TUBB4A: variants seen among roughly 807,000 people sequenced by gnomAD.
TUBB4A encodes the protein tubulin beta 4A class IVa.
Under a neutral mutation model 35.1 loss-of-function variants are expected in TUBB4A, and 13 were observed. The observed-to-expected ratio is 0.37, with a 90% CI of 0.24 to 0.59. The LOEUF is 0.59. TUBB4A is among the 20% of genes least tolerant of loss of function. The probability of loss-of-function intolerance (pLI) is 0.71; values close to 1 mark genes in which losing one functional copy is unlikely to be tolerated. For missense variants in TUBB4A, 299 were observed against 647.2 expected (o/e 0.46, Z 5.84); for synonymous variants, 279 against 272.4 (o/e 1.02, Z -0.24).
At chr19:6,499,069 A>G (rs1914407377) in intron 3 of TUBB4A, among the ~76,000 whole-genome samples, 2 of 152,156 alleles carry the variant, frequency 1.3e-5, no homozygotes, top group Non-Finnish European at 2.9e-5. Context: ...TCATGCCTGT[A>G]ATCCCAGCAC....
intron 3 of TUBB4A, among the ~76,000 whole-genome samples, chr19:6,499,299 C>T (rs1914418324): frequency 6.7e-6 from 1 of 149,734 alleles, no homozygotes; most frequent in Admixed American, 6.6e-5. Flanking sequence ...GAGACTCCGT[C>T]TCAAAAAAAA....
At chr19:6,499,561 A>G (rs1301304017) in intron 3 of TUBB4A, among the ~76,000 whole-genome samples, 2 of 152,172 alleles carry the variant, frequency 1.3e-5, no homozygotes, top group Non-Finnish European at 2.9e-5. Context: ...AGCTGGAGCC[A>G]GGAAAGCTTT....
intron 3 of TUBB4A, 136 bp from the exon 4 acceptor site, chr19:6,496,357 C>T (rs113431164): frequency 6.5e-5 from 57 of 870,428 alleles, no homozygotes; most frequent in African/African-American, 4.9e-4. Flanking sequence ...TAGCCGGGTG[C>T]GGTGGCTCAC....
At position 6,501,796 on chromosome 19, in the gene TUBB4A, G is replaced by C. The variant is rs1343643637; in HGVS notation, c.58-173C>G. 1.6e-6 allele frequency: 1 copy of C among 621,900 alleles called. No individual in the cohort carries two copies. Among genetic ancestry groups the C allele is most frequent in the African/African-American group, 1.8e-5 (1 of 54,114 alleles). The allele number at this position is 621,900 out of a possible 1,614,324, so 38.5% of individuals were successfully genotyped here. ...GATGAGGCAGCAAGAAGGAGCGGTG[G>C]GGGCGGGGTGCAGCCGAGTCAGCAC... is the stretch of plus-strand genomic sequence containing the variant. On this transcript the variant is annotated intron_variant, in intron 1 of 3. Coordinates refer to ENST00000264071, the MANE Select transcript of TUBB4A (RefSeq NM_006087.4). This position sits in a 1 kb window ranked among gnomAD's most constrained non-coding sequence, Gnocchi z 4.2.
intron 3 of TUBB4A, chr19:6,500,625 CA>C (rs1914485585): frequency 6.6e-6 from 1 of 151,688 alleles, no homozygotes; most frequent in Admixed American, 6.6e-5. Context: ...CCTGTAGGTC[CA>C]GCTACTTGGG....
At chr19:6,502,561 C>A, upstream of TUBB4A, 1 of 247,882 alleles carries the variant, frequency 4.0e-6, no homozygotes, top group East Asian at 8.0e-5. Flanking sequence ...CAGCCCCCAG[C>A]CAGGCTTGGC....
intron 3 of TUBB4A, among the ~76,000 whole-genome samples, chr19:6,497,261 T>A (rs1914294030): frequency 6.6e-6 from 1 of 150,974 alleles, no homozygotes; most frequent in Admixed American, 6.7e-5. Context: ...AACATCATTA[T>A]TAATAATAAT....
intron 1 of TUBB4A, 131 bp downstream of exon 1, chr19:6,502,025 C>T (rs1450309266): frequency 1.9e-6 from 2 of 1,043,186 alleles, no homozygotes; most frequent in East Asian, 2.9e-5. Flanking sequence ...CCCAAGGCCC[C>T]TGGGGCGCGC....
In TUBB4A at chr19:6,495,034, AAGGT is replaced by A. The variant is rs1438154622; in HGVS notation, c.*126_*129del. ...GTAGCCAGAGGTAAAGCGAGCTCCAAAGGTATTGTTAGGGTCAGCGGGGAGTCAG... is the reference window on the plus strand; with the variant it reads ...GTAGCCAGAGGTAAAGCGAGCTCCAAATTGTTAGGGTCAGCGGGGAGTCAG... On this transcript the variant is annotated 3_prime_UTR_variant, in exon 4 of 4. Coordinates refer to ENST00000264071, the MANE Select transcript of TUBB4A (RefSeq NM_006087.4). The surrounding 1 kb of genome is among the most constrained non-coding windows in gnomAD (Gnocchi z 8.7). 86 of 1,115,738 alleles carry A rather than the reference AAGGT, an allele frequency of 7.7e-5. No homozygotes were observed. The highest frequency in any genetic ancestry group is 1.0e-4 in the Non-Finnish European group (82 of 785,910). The allele number at this position is 1,115,738 out of a possible 1,614,324, so 69.1% of individuals were successfully genotyped here.
chr19:6,501,666 G>T lies in TUBB4A; in HGVS notation c.58-43C>A, dbSNP rs778286654. On this transcript the variant is annotated intron_variant, in intron 1 of 3. Transcript: ENST00000264071. This position sits in a 1 kb window ranked among gnomAD's most constrained non-coding sequence, Gnocchi z 4.2. The stretch of plus-strand genomic sequence containing the variant: ...CGGAAGAGTTGAGAGAGGGGAAGCC[G>T]GTGGCCAAGCCGAGGACTGCCCCCA... 99 of 1,565,348 alleles carry T rather than the reference G, an allele frequency of 6.3e-5. 2 individuals carry two copies. In the South Asian group the frequency reaches 1.1e-3, roughly 17 times the overall value.
chr19:6,499,445 C>T (rs1216075484), intron 3 of TUBB4A, among the ~76,000 whole-genome samples: 6 of 152,076 alleles, frequency 3.9e-5, no homozygotes, highest in East Asian at 1.9e-4. Context: ...AAGTAAGAGG[C>T]GAGTTGCGGA....
At chr19:6,502,096 C>T (rs887002482) in intron 1 of TUBB4A, 60 bp downstream of exon 1, 66 of 1,498,722 alleles carry the variant, frequency 4.4e-5, no homozygotes, top group Admixed American at 3.0e-4. Flanking sequence ...GCTCCGGGGA[C>T]CGACCCCGCG....
chr19:6,496,398 G>C, intron 3 of TUBB4A, 177 bp from the exon 4 acceptor site: 1 of 609,224 alleles, frequency 1.6e-6, no homozygotes, highest in Middle Eastern at 4.5e-4. Context: ...GGGAGGCCGA[G>C]GTGGGCGGAT....
intron 3 of TUBB4A, among the ~76,000 whole-genome samples, chr19:6,497,683 C>T (rs1023966541): frequency 6.6e-6 from 1 of 151,800 alleles, no homozygotes; most frequent in East Asian, 1.9e-4. Flanking sequence ...GCCTGTAATC[C>T]AGCACTTAGG....
At chr19:6,500,273 T>G (rs1914470510) in intron 3 of TUBB4A, among the ~76,000 whole-genome samples, 1 of 151,878 alleles carries the variant, frequency 6.6e-6, no homozygotes, top group Non-Finnish European at 1.5e-5. Flanking sequence ...TGACTACAGG[T>G]GCACACCACC....
chr19:6,495,404 C>T lies in TUBB4A; in HGVS notation c.1095G>A (p.Ala365=), dbSNP rs148507956. Residue 365 remains alanine (A), a synonymous_variant, in exon 4 of 4, where the codon GCG becomes GCA. Coordinates refer to ENST00000264071, the MANE Select transcript of TUBB4A (RefSeq NM_006087.4). This position sits in a 1 kb window ranked among gnomAD's most constrained non-coding sequence, Gnocchi z 8.7. ...DIPPRGLKMA[A]TFIGNSTAIQ... ...TGGCCGTGCTGTTGCCGATGAAGGT[C>T]GCGGCCATCTTCAGGCCGCGGGGCG... 454 of 1,614,016 alleles carry T rather than the reference C, an allele frequency of 2.8e-4. No homozygotes were observed. The highest frequency in any genetic ancestry group is 3.5e-4 in the Non-Finnish European group (411 of 1,180,016).
At position 6,501,292 on chromosome 19, in the gene TUBB4A, A is replaced by G. The variant is rs757126833; in HGVS notation, c.272T>C (p.Val91Ala). ...FGQIFRPDNF[V>A]FGQSGAGNNW... is the part of the protein sequence containing the mutation. ...CTCCCTGCTGGGGGACTCACCAAAC[A>G]CGAAGTTGTCCGGCCGAAAGATCTG... Residue 91 changes from valine (V) to alanine (A), a missense_variant, in exon 3 of 4, where the codon GTG becomes GCG. This residue lies in a region of TUBB4A where 123 missense variants were observed against 226.0 expected (regional missense o/e 0.54). Coordinates refer to ENST00000264071, the MANE Select transcript of TUBB4A (RefSeq NM_006087.4). This position sits in a 1 kb window ranked among gnomAD's most constrained non-coding sequence, Gnocchi z 4.2. The G allele has an allele frequency of 6.2e-7, 1 of 1,613,772 alleles. No individual in the cohort carries two copies. The highest frequency in any genetic ancestry group is 1.1e-5 in the South Asian group (1 of 91,064).
chr19:6,499,946 C>T (rs1914452637), intron 3 of TUBB4A, among the ~76,000 whole-genome samples: 1 of 152,110 alleles, frequency 6.6e-6, no homozygotes, highest in Non-Finnish European at 1.5e-5. Flanking sequence ...CATGTGCCAC[C>T]ATGCCTGGCT....
At chr19:6,499,549 C>A (rs1284731594) in intron 3 of TUBB4A, among the ~76,000 whole-genome samples, 2 of 152,148 alleles carry the variant, frequency 1.3e-5, no homozygotes, top group Non-Finnish European at 2.9e-5. Flanking sequence ...GGACATGCAG[C>A]CAGCTGGAGC....
Sources: allele counts gnomAD v4.1 joint callset (sites outside exome capture counted in the v4.1 genomes callset), GRCh38; gene constraint gnomAD v4.1.1; regional missense constraint gnomAD v4.1.1; non-coding constraint Gnocchi (gnomAD v3.1); transcripts MANE v1.5; gene names NCBI Gene and HGNC (gene_info 2026-07-23, HGNC 2026-07-21).